GALNT10: variants seen among roughly 807,000 people sequenced by gnomAD.
The protein encoded by GALNT10 is GalNAc transferase 10.
Under a neutral mutation model 75.0 loss-of-function variants are expected in GALNT10, and 41 were observed. The ratio of observed to expected loss-of-function variants is 0.55; its 90% CI spans 0.43 to 0.71. The LOEUF (loss-of-function observed/expected upper bound fraction) is 0.71, where lower values mean the gene tolerates loss of function less well. GALNT10 is among the 30% of genes least tolerant of loss of function. The probability of loss-of-function intolerance (pLI) is 0.00; values close to 1 mark genes in which losing one functional copy is unlikely to be tolerated. For synonymous variants in GALNT10, 302 were observed against 313.0 expected, an observed-to-expected ratio of 0.96 and a Z score of 0.37; for missense variants, 727 against 818.5, an observed-to-expected ratio of 0.89 and a Z score of 1.36.
At chr5:154,359,402 A>G (rs1439484441) in intron 4 of GALNT10, among the ~76,000 whole-genome samples, 1 of 152,088 alleles carries the variant, frequency 6.6e-6, no homozygotes, top group Non-Finnish European at 1.5e-5. Flanking sequence ...GATGGTGACC[A>G]GACGTGCCTC....
At chr5:154,249,146 T>G (rs1753476575) in intron 1 of GALNT10, among the ~76,000 whole-genome samples, 1 of 152,210 alleles carries the variant, frequency 6.6e-6, no homozygotes. Flanking sequence ...CCCTTTTCCT[T>G]TCACATAATG....
chr5:154,378,467 GCA>G (rs1478611826), intron 5 of GALNT10, among the ~76,000 whole-genome samples: 1 of 152,188 alleles, frequency 6.6e-6, no homozygotes, highest in Non-Finnish European at 1.5e-5. Flanking sequence ...AAACTGAGAG[GCA>G]CAGAGTGAGG....
chr5:154,288,189 T>C (rs898067181), intron 1 of GALNT10, among the ~76,000 whole-genome samples: 2 of 152,174 alleles, frequency 1.3e-5, no homozygotes. Context: ...CCAACATTGC[T>C]GTTTGAGCGC....
chr5:154,271,509 C>A (rs1014160510), intron 1 of GALNT10, among the ~76,000 whole-genome samples: 6 of 152,176 alleles, frequency 3.9e-5, no homozygotes, highest in Non-Finnish European at 7.3e-5. Flanking sequence ...GCCAAAGCCT[C>A]TTTTAGATGA....
intron 1 of GALNT10, among the ~76,000 whole-genome samples, chr5:154,291,421 A>G (rs1245659468): frequency 6.6e-6 from 1 of 152,110 alleles, no homozygotes; most frequent in Non-Finnish European, 1.5e-5. Flanking sequence ...CCCGCCCTAG[A>G]CCTACTGTGC....
chr5:154,202,680 T>G (rs10053692), intron 1 of GALNT10, among the ~76,000 whole-genome samples: 89,291 of 152,056 alleles, frequency 0.59, 26,621 homozygotes, highest in East Asian at 0.89. Flanking sequence ...GGCCTCCATT[T>G]CCTCACCTGT....
intron 1 of GALNT10, among the ~76,000 whole-genome samples, chr5:154,195,639 C>A (rs7718628): frequency 1.3e-5 from 2 of 152,078 alleles, no homozygotes; most frequent in South Asian, 2.1e-4. Context: ...AAACTGAGGC[C>A]GAGAAAAAGG....
chr5:154,326,176 G>A (rs538365928), intron 3 of GALNT10, among the ~76,000 whole-genome samples: 3 of 152,082 alleles, frequency 2.0e-5, no homozygotes, highest in African/African-American at 7.2e-5. Flanking sequence ...AACATCATTA[G>A]TCATTAAACC....
chr5:154,329,478 G>A lies in GALNT10; in HGVS notation c.402-94G>A, dbSNP rs1311603236. 6 of 927,454 alleles carry A rather than the reference G, an allele frequency of 6.5e-6. No individual in the cohort carries two copies. The East Asian group carries it at 1.2e-4, about 19-fold the overall frequency. The allele number at this position is 927,454 out of a possible 1,614,324, so 57.5% of individuals were successfully genotyped here. ...TCATTCCCTAAAGACTGGAGAGGAA[G>A]TGGGGTTTGCAGTTAGCCAAACCCT... On this transcript the variant is annotated intron_variant, in intron 3 of 11. Coordinates refer to ENST00000297107, the MANE Select transcript of GALNT10 (RefSeq NM_198321.4).
intron 4 of GALNT10, among the ~76,000 whole-genome samples, chr5:154,343,605 A>G (rs1480516035): frequency 6.6e-6 from 1 of 152,210 alleles, no homozygotes; most frequent in Admixed American, 6.5e-5. Context: ...ATTCCTCCTG[A>G]AATGTCCAAT....
In GALNT10 at chr5:154,352,619, C is replaced by T. The variant is rs1755228137; in HGVS notation, c.568+22881C>T. On this transcript the variant is annotated intron_variant, in intron 4 of 11. Coordinates refer to ENST00000297107, the MANE Select transcript of GALNT10 (RefSeq NM_198321.4). The surrounding 1 kb of genome is among the most constrained non-coding windows in gnomAD (Gnocchi z 4.4). ...CCCAGGTACCTACCACTGCTTTCTA[C>T]CATCTTGCCCCCAGAGGTCTTGCCT... is the stretch of plus-strand genomic sequence containing the variant. Among the ~76,000 whole-genome samples the T allele has an allele frequency of 2.0e-5, 3 of 152,190 alleles. No individual in the cohort carries two copies. The South Asian group carries it at 6.2e-4, about 32-fold the overall frequency.
intron 7 of GALNT10, chr5:154,403,875 G>T (rs1180774037): frequency 1.7e-6 from 1 of 591,138 alleles, no homozygotes; most frequent in Admixed American, 2.8e-5. Flanking sequence ...GGTTGTGCAT[G>T]TGACCATCTT....
intron 1 of GALNT10, among the ~76,000 whole-genome samples, chr5:154,267,551 G>A (rs1250326780): frequency 6.6e-6 from 1 of 152,196 alleles, no homozygotes; most frequent in African/African-American, 2.4e-5. Flanking sequence ...ATGTCTTGCT[G>A]GAAAATATGC....
At chr5:154,205,010 C>G (rs1775084872) in intron 1 of GALNT10, among the ~76,000 whole-genome samples, 1 of 152,124 alleles carries the variant, frequency 6.6e-6, no homozygotes, top group Non-Finnish European at 1.5e-5. Flanking sequence ...TCCCAGATAC[C>G]CTACAGATAG....
chr5:154,286,571 T>G (rs1489805230), intron 1 of GALNT10, among the ~76,000 whole-genome samples: 1 of 152,208 alleles, frequency 6.6e-6, no homozygotes. Flanking sequence ...TAATGAGCTT[T>G]CATGCCTTAC....
In GALNT10 at chr5:154,397,365, GC is replaced by G. The variant is rs569547682; in HGVS notation, c.1057-6736del. ...GGGAATTGTGTAGCATTCATGCAAC[GC>G]CCTCCACCAGTAGCGATGGGCCACG... is the stretch of plus-strand genomic sequence containing the variant. On this transcript the variant is annotated intron_variant, in intron 7 of 11. Coordinates refer to ENST00000297107, the MANE Select transcript of GALNT10 (RefSeq NM_198321.4). Among the ~76,000 whole-genome samples, 806 of 152,044 alleles carry G rather than the reference GC, an allele frequency of 5.3e-3. 4 individuals carry two copies. Among genetic ancestry groups the G allele is most frequent in the Non-Finnish European group, 8.5e-3 (575 of 67,962 alleles).
chr5:154,295,479 G>A (rs62379866), intron 2 of GALNT10, among the ~76,000 whole-genome samples: 14,421 of 152,236 alleles, frequency 0.095, 738 homozygotes, highest in African/African-American at 0.13. Context: ...CAGGTCTGGA[G>A]GGAGGGCAGA....
chr5:154,309,102 T>A (rs1754474583), intron 3 of GALNT10, among the ~76,000 whole-genome samples: 1 of 152,152 alleles, frequency 6.6e-6, no homozygotes. Context: ...AGATTTTATT[T>A]CAGGGGTCAG....
rs1755650420 is a variant in GALNT10 at position 154,376,268 on chromosome 5, G to C, written c.569-9G>C. The C allele has an allele frequency of 6.3e-7, 1 of 1,587,684 alleles. No individual in the cohort carries two copies. Among genetic ancestry groups the C allele is most frequent in the Non-Finnish European group, 8.6e-7 (1 of 1,157,858 alleles). On this transcript the variant is annotated splice_polypyrimidine_tract_variant and intron_variant, in intron 4 of 11. Transcript: ENST00000297107. This position sits in a 1 kb window ranked among gnomAD's most constrained non-coding sequence, Gnocchi z 4.1. ...TGTTCTCACTCTTCTGTCCTCTTCT[G>C]TCTCATAGAGCACCTGAAGAAGCCT...
Sources: gnomAD v4.1 joint callset for allele counts (sites outside exome capture counted in the v4.1 genomes callset) on GRCh38, gnomAD v4.1.1 for gene constraint, Gnocchi (gnomAD v3.1) non-coding constraint, MANE v1.5 for transcripts, NCBI Gene and HGNC (gene_info 2026-07-23, HGNC 2026-07-21) for gene names.